DNAH14: variants seen among roughly 807,000 people sequenced by gnomAD.
The protein encoded by DNAH14 is axonemal beta dynein heavy chain 14.
In DNAH14, 478 loss-of-function variants were observed where a neutral mutation model predicts 520.9. The observed-to-expected ratio is 0.92, with a 90% CI of 0.85 to 0.99. The LOEUF is 0.99. DNAH14 is among the 50% of genes least tolerant of loss of function. DNAH14 has a pLI of 0.00. For missense variants in DNAH14, 4,831 were observed against 5,234.5 expected, an observed-to-expected ratio of 0.92 and a Z score of 2.38; for synonymous variants, 1,581 against 1,757.2, an observed-to-expected ratio of 0.90 and a Z score of 2.51.
At chr1:225,215,475 T>C (rs1280312712) in intron 41 of DNAH14, among the ~76,000 whole-genome samples, 1 of 152,208 alleles carries the variant, frequency 6.6e-6, no homozygotes, top group Non-Finnish European at 1.5e-5. Context: ...TAACTTTCTG[T>C]CTCGTTGATC....
At chr1:224,929,668 G>C, upstream of DNAH14, 2 of 702,466 alleles carry the variant, frequency 2.8e-6, no homozygotes, top group Non-Finnish European at 5.2e-6. Flanking sequence ...CGCAGGCGTG[G>C]CTCTTGGTCA....
At chr1:225,094,882 A>G (rs951283404) in intron 21 of DNAH14, among the ~76,000 whole-genome samples, 1 of 151,886 alleles carries the variant, frequency 6.6e-6, no homozygotes, top group African/African-American at 2.4e-5. Flanking sequence ...ACACTTTTCA[A>G]AAGAAGACAT....
intron 66 of DNAH14, among the ~76,000 whole-genome samples, chr1:225,335,002 G>T (rs1290947524): frequency 6.8e-6 from 1 of 147,876 alleles, no homozygotes; most frequent in East Asian, 2.0e-4. Flanking sequence ...CTATATATAC[G>T]CATATATACT....
At chr1:225,261,332 A>G (rs1016458169) in intron 46 of DNAH14, among the ~76,000 whole-genome samples, 2 of 152,174 alleles carry the variant, frequency 1.3e-5, no homozygotes, top group Admixed American at 1.3e-4. Flanking sequence ...TAAGTTGTTG[A>G]GAATTTTTTA....
intron 27 of DNAH14, among the ~76,000 whole-genome samples, chr1:225,129,837 G>T (rs1263017832): frequency 6.6e-6 from 1 of 152,102 alleles, no homozygotes; most frequent in Non-Finnish European, 1.5e-5. Context: ...TTAAACTAAA[G>T]AGCTTCTGCA....
intron 55 of DNAH14, among the ~76,000 whole-genome samples, chr1:225,298,221 C>G (rs1285563002): frequency 6.6e-6 from 1 of 151,802 alleles, no homozygotes; most frequent in African/African-American, 2.4e-5. Context: ...CTGTAAGGCT[C>G]TTTCTCAGGA....
chr1:224,935,401 A>T (rs1219910572), intron 1 of DNAH14, among the ~76,000 whole-genome samples: 1 of 151,950 alleles, frequency 6.6e-6, no homozygotes, highest in African/African-American at 2.4e-5. Context: ...AAGATATTCC[A>T]TGCAAATGGA....
chr1:225,036,525 G>C (rs922336554), intron 11 of DNAH14, among the ~76,000 whole-genome samples: 1 of 152,286 alleles, frequency 6.6e-6, no homozygotes, highest in South Asian at 2.1e-4. Context: ...ATCTGGGAGG[G>C]AGAGTTGCGT....
intron 38 of DNAH14, among the ~76,000 whole-genome samples, chr1:225,194,002 A>C (rs776970461): frequency 6.6e-6 from 1 of 152,156 alleles, no homozygotes; most frequent in African/African-American, 2.4e-5. Flanking sequence ...GAGGTGAAAG[A>C]TGTCTATAAT....
At position 225,051,546 on chromosome 1, in the gene DNAH14, C is replaced by G; in HGVS notation, c.2175C>G (p.Ala725=). 6.4e-7 allele frequency: 1 copy of G among 1,550,806 alleles called. No homozygotes were observed. Among genetic ancestry groups the G allele is most frequent in the Non-Finnish European group, 8.7e-7 (1 of 1,146,628 alleles). The change falls in exon 17 of 86, where the codon GCC becomes GCG. Residue 725 remains alanine, a synonymous_variant. Transcript: ENST00000682510. ...FIKYCTMTEK[A]KIMSMKISSM... ...AGTATTGTACCATGACAGAAAAGGC[C>G]AAAATCATGAGTATGAAAATATCAT...
chr1:225,077,873 C>G (rs1316354281), intron 17 of DNAH14, among the ~76,000 whole-genome samples: 1 of 152,046 alleles, frequency 6.6e-6, no homozygotes, highest in African/African-American at 2.4e-5. Context: ...ACTTTTCCAT[C>G]TTATAAACTT....
intron 8 of DNAH14, 94 bp from the exon 9 acceptor site, chr1:225,002,689 A>C: frequency 1.7e-6 from 2 of 1,166,534 alleles, no homozygotes; most frequent in South Asian, 1.4e-5. Flanking sequence ...CATTTCAACT[A>C]TAAGGATATT....
intron 9 of DNAH14, among the ~76,000 whole-genome samples, chr1:225,003,450 T>C (rs2147813003): frequency 6.6e-6 from 1 of 152,186 alleles, no homozygotes; most frequent in Non-Finnish European, 1.5e-5. Context: ...ACTCACTCAA[T>C]GTATGGGGAA....
At chr1:225,185,516 C>T in intron 37 of DNAH14, 91 bp downstream of exon 37, 1 of 1,283,268 alleles carries the variant, frequency 7.8e-7, no homozygotes, top group Non-Finnish European at 1.0e-6. Context: ...TTGGTATTTT[C>T]ATTACTTATT....
intron 43 of DNAH14, among the ~76,000 whole-genome samples, chr1:225,248,716 A>G (rs1574284033): frequency 6.6e-6 from 1 of 152,308 alleles, no homozygotes; most frequent in African/African-American, 2.4e-5. Flanking sequence ...AAGGAAAGGC[A>G]GTTCAACTTG....
At chr1:225,351,920 A>ATGTGTG (rs1290099845) in intron 72 of DNAH14, 37 bp downstream of exon 72, 2 of 1,454,870 alleles carry the variant, frequency 1.4e-6, no homozygotes, top group East Asian at 5.0e-5. Context: ...TAACTTAAGT[A>ATGTGTG]TGTGTGTATG....
chr1:225,204,354 A>G, intron 39 of DNAH14, 81 bp downstream of exon 39: 1 of 841,918 alleles, frequency 1.2e-6, no homozygotes, highest in Non-Finnish European at 1.8e-6. Context: ...TATATGTTTA[A>G]ACATGTTTTT....
At chr1:225,120,080 G>A (rs573266835) in intron 26 of DNAH14, among the ~76,000 whole-genome samples, 1 of 152,234 alleles carries the variant, frequency 6.6e-6, no homozygotes, top group East Asian at 1.9e-4. Context: ...CAGCTGTATA[G>A]GAGACCAGTT....
At chr1:224,943,897 G>A (rs1302306409) in intron 1 of DNAH14, among the ~76,000 whole-genome samples, 1 of 152,128 alleles carries the variant, frequency 6.6e-6, no homozygotes, top group East Asian at 1.9e-4. Flanking sequence ...CATTTGCTGA[G>A]GAGAGCTTTA....
Sources: gnomAD v4.1 joint callset for allele counts (sites outside exome capture counted in the v4.1 genomes callset) on GRCh38, gnomAD v4.1.1 for gene constraint, MANE v1.5 for transcripts, NCBI Gene and HGNC (gene_info 2026-07-23, HGNC 2026-07-21) for gene names.